The following IDH1 variants were observed in gnomAD, a reference collection of about 807,000 sequenced individuals.
IDH1 encodes the protein isocitrate dehydrogenase (NADP(+)) 1.
IDH1 carries 33 observed loss-of-function variants against 46.1 expected under a neutral mutation model. That is an observed-to-expected ratio of 0.72 (90% CI 0.54 to 0.96). IDH1 has a LOEUF of 0.96. Among genes scored for constraint, IDH1 ranks in the 40% least tolerant of loss-of-function variants. IDH1 has a pLI of 0.00. For missense variants in IDH1, 421 were observed against 515.7 expected (o/e 0.82, Z 1.78); for synonymous variants, 144 against 172.8 (o/e 0.83, Z 1.31).
intron 3 of IDH1, among the ~76,000 whole-genome samples, chr2:208,248,991 A>G (rs1291870677): frequency 6.6e-6 from 1 of 152,156 alleles, no homozygotes; most frequent in Non-Finnish European, 1.5e-5. Context: ...TCTCCATATA[A>G]TTAGTATAAT....
At position 208,245,310 on chromosome 2, in the gene IDH1, C is replaced by A. The variant is rs2124857085; in HGVS notation, c.520+9G>T. On this transcript the variant is annotated intron_variant, in intron 5 of 9. Transcript: ENST00000345146. Reference sequence around the variant, plus strand: ...AAAAAAAAGAAGCTTATGCTACAGTCATACATACCTTCAAAGTTATGTACC... The same window carrying A: ...AAAAAAAAGAAGCTTATGCTACAGTAATACATACCTTCAAAGTTATGTACC... 1 of 1,373,076 alleles carries A rather than the reference C, an allele frequency of 7.3e-7. No homozygotes were observed. The highest frequency in any genetic ancestry group is 1.2e-5 in the South Asian group (1 of 86,234). The allele number at this position is 1,373,076 out of a possible 1,614,324, so 85.1% of individuals were successfully genotyped here.
At chr2:208,253,499 C>A (rs1688159764) in intron 2 of IDH1, among the ~76,000 whole-genome samples, 1 of 152,146 alleles carries the variant, frequency 6.6e-6, no homozygotes, top group African/African-American at 2.4e-5. Context: ...AGGGCTGTTC[C>A]AAGACCAGCA....
chr2:208,253,245 T>C (rs533006274), intron 2 of IDH1, among the ~76,000 whole-genome samples: 12 of 152,370 alleles, frequency 7.9e-5, no homozygotes, highest in Non-Finnish European at 1.8e-4. Context: ...TCTGCAGTAA[T>C]CTTTCTTTAT....
Position 208,239,959 on chromosome 2 carries a change from C to A in IDH1, c.895G>T (p.Asp299Tyr). Reference sequence around the variant, plus strand: ...GCCTCTGCTTCTACTGTCTTGCCATCTGGACAAACCAGCACGCTGGTCATC... The same window carrying A: ...GCCTCTGCTTCTACTGTCTTGCCATATGGACAAACCAGCACGCTGGTCATC... ...GMMTSVLVCP[D>Y]GKTVEAEAAH... Residue 299 changes from aspartate (D) to tyrosine (Y), a missense_variant, in exon 8 of 10, where the codon GAT (aspartate) becomes TAT (tyrosine). Physicochemically the swap from Asp to Tyr is radical, Grantham distance 160. Coordinates refer to ENST00000345146, the MANE Select transcript of IDH1 (RefSeq NM_005896.4). The A allele has an allele frequency of 6.2e-7, 1 of 1,614,188 alleles. No homozygotes were observed. Among genetic ancestry groups the A allele is most frequent in the Non-Finnish European group, 8.5e-7 (1 of 1,180,030 alleles).
Position 208,243,416 on chromosome 2 carries a change from A to C in IDH1, c.698+11T>G. On this transcript the variant is annotated intron_variant, in intron 6 of 9. Coordinates refer to ENST00000345146, the MANE Select transcript of IDH1 (RefSeq NM_005896.4). Reference sequence around the variant, plus strand: ...AGAATAAAGAAAAAGTTAAAAAAGAACTATAGTTACTTGTCATATATCTCC... The same window carrying C: ...AGAATAAAGAAAAAGTTAAAAAAGACCTATAGTTACTTGTCATATATCTCC... The C allele has an allele frequency of 6.3e-7, 1 of 1,594,166 alleles. No individual in the cohort carries two copies. The highest frequency in any genetic ancestry group is 8.6e-7 in the Non-Finnish European group (1 of 1,162,344).
At chr2:208,246,403 A>G (rs1688023195) in intron 4 of IDH1, among the ~76,000 whole-genome samples, 1 of 152,128 alleles carries the variant, frequency 6.6e-6, no homozygotes, top group Non-Finnish European at 1.5e-5. Flanking sequence ...AAGATTAAAC[A>G]CCTACTTTAC....
intron 8 of IDH1, among the ~76,000 whole-genome samples, chr2:208,239,643 CT>C (rs376875637): frequency 3.6e-4 from 55 of 152,324 alleles, no homozygotes; most frequent in African/African-American, 1.3e-3. Flanking sequence ...AAGGAAAATG[CT>C]TGTTGATAAC....
chr2:208,247,625 TA>T (rs1228075617), intron 4 of IDH1: 1 of 152,258 alleles, frequency 6.6e-6, no homozygotes, highest in African/African-American at 2.4e-5. Context: ...TGTATATGAA[TA>T]AACAAAACTG....
chr2:208,249,953 G>C (rs949682442), intron 3 of IDH1, among the ~76,000 whole-genome samples: 1 of 152,134 alleles, frequency 6.6e-6, no homozygotes, highest in Non-Finnish European at 1.5e-5. Flanking sequence ...TTTTTTGCTT[G>C]TCTTCTTAAC....
At chr2:208,253,015 T>C (rs1688151842) in intron 2 of IDH1, among the ~76,000 whole-genome samples, 1 of 152,252 alleles carries the variant, frequency 6.6e-6, no homozygotes, top group Non-Finnish European at 1.5e-5. Context: ...CACCTATCCT[T>C]GTTTTAAAAC....
intron 6 of IDH1, among the ~76,000 whole-genome samples, chr2:208,242,805 C>T (rs1263740215): frequency 6.6e-6 from 1 of 151,202 alleles, no homozygotes; most frequent in Non-Finnish European, 1.5e-5. Context: ...CGCTCTGTCG[C>T]CCAGGCTGCA....
intron 4 of IDH1, among the ~76,000 whole-genome samples, chr2:208,246,635 T>TAA (rs369672159): frequency 0.04 from 5,517 of 136,386 alleles, 142 homozygotes; most frequent in Non-Finnish European, 0.045. Context: ...CCAAAATAAT[T>TAA]AAAAAAAAAA....
chr2:208,248,082 A>G (rs182456552), intron 4 of IDH1: 644 of 448,488 alleles, frequency 1.4e-3, no homozygotes, highest in African/African-American at 0.012. Context: ...TACCAACATA[A>G]AAATGGCAAT....
At chr2:208,246,079 G>T (rs1688016920) in intron 4 of IDH1, among the ~76,000 whole-genome samples, 1 of 152,132 alleles carries the variant, frequency 6.6e-6, no homozygotes, top group Admixed American at 6.5e-5. Context: ...GTCTCTCATG[G>T]TATCATTGTT....
chr2:208,239,252 A>G lies in IDH1; in HGVS notation c.992-19T>C. 6.2e-7 allele frequency: 1 copy of G among 1,613,408 alleles called. No individual in the cohort carries two copies. Among genetic ancestry groups the G allele is most frequent in the Non-Finnish European group, 8.5e-7 (1 of 1,179,492 alleles). ...ATGGAAGCTAAAAGAGGGGAAAAAA[A>G]ACACAACACTCCAATCATCCTAGTT... On this transcript the variant is annotated intron_variant, in intron 8 of 9. Coordinates refer to ENST00000345146, the MANE Select transcript of IDH1 (RefSeq NM_005896.4).
At chr2:208,240,243 T>C (rs921716142) in intron 7 of IDH1, 3 of 545,024 alleles carry the variant, frequency 5.5e-6, no homozygotes, top group Non-Finnish European at 1.0e-5. Flanking sequence ...ACCTACTCCT[T>C]GATGGAGGGT....
chr2:208,240,334 G>A, intron 7 of IDH1: 2 of 318,904 alleles, frequency 6.3e-6, no homozygotes, highest in African/African-American at 2.1e-5. Flanking sequence ...CTGTAAAATG[G>A]GAGTAATAAC....
intron 3 of IDH1, among the ~76,000 whole-genome samples, chr2:208,251,077 A>C (rs1688113510): frequency 6.6e-6 from 1 of 152,186 alleles, no homozygotes; most frequent in East Asian, 1.9e-4. Context: ...TTAGATGATA[A>C]ATCCAGTTTT....
rs575483212 is a variant in IDH1 at position 208,248,537 on chromosome 2, C to G, written c.246G>C (p.Arg82Ser). The change falls in exon 4 of 10, where the codon AGG becomes AGC. Residue 82 changes from arginine (R) to serine (S), a missense_variant. Physicochemically the swap from Arg to Ser is moderately radical, Grantham distance 110. Transcript: ENST00000345146. ...KCATITPDEK[R>S]VEEFKLKQMW... ...TTTGTTTCAACTTGAACTCCTCAAC[C>G]CTCTTCTCATCAGGAGTGATAGTGG... is the stretch of plus-strand genomic sequence containing the variant. The G allele has an allele frequency of 1.2e-6, 2 of 1,614,118 alleles. No individual in the cohort carries two copies. Among genetic ancestry groups the G allele is most frequent in the Non-Finnish European group, 1.7e-6 (2 of 1,180,004 alleles).
Sources: allele counts gnomAD v4.1 joint callset (sites outside exome capture counted in the v4.1 genomes callset), GRCh38; gene constraint gnomAD v4.1.1; transcripts MANE v1.5; gene names NCBI Gene and HGNC (gene_info 2026-07-23, HGNC 2026-07-21).